CEP83: variants seen among roughly 807,000 people sequenced by gnomAD.
CEP83 encodes the protein centrosomal protein of 83 kDa.
Under a neutral mutation model 101.9 loss-of-function variants are expected in CEP83, and 70 were observed. The observed-to-expected ratio is 0.69, with a 90% CI of 0.57 to 0.84. CEP83 has a LOEUF of 0.84. Among genes scored for constraint, CEP83 ranks in the 40% least tolerant of loss-of-function variants. CEP83 has a pLI of 0.00. For missense variants in CEP83, 715 were observed against 787.2 expected (o/e 0.91, Z 1.10); for synonymous variants, 264 against 267.9 (o/e 0.99, Z 0.14).
intron 6 of CEP83, among the ~76,000 whole-genome samples, chr12:94,382,400 C>A (rs2137233852): frequency 6.6e-6 from 1 of 151,278 alleles, no homozygotes; most frequent in East Asian, 2.0e-4. Flanking sequence ...TTTTGATACT[C>A]TTTTTCTAGG....
At chr12:94,297,279 G>C in the CEP83 span, 2 of 1,612,276 alleles carry the variant, frequency 1.2e-6, no homozygotes, top group South Asian at 2.2e-5. Context: ...AGCAAGAGTG[G>C]TCTCCTTGGG....
chr12:94,345,529 C>T (rs1045643689), intron 11 of CEP83, among the ~76,000 whole-genome samples: 2 of 152,068 alleles, frequency 1.3e-5, no homozygotes, highest in African/African-American at 4.8e-5. Context: ...CTCTCTCTGA[C>T]CTTCTGTCCT....
intron 11 of CEP83, among the ~76,000 whole-genome samples, chr12:94,348,332 C>T (rs1398386220): frequency 6.6e-6 from 1 of 152,066 alleles, no homozygotes; most frequent in Non-Finnish European, 1.5e-5. Context: ...TCTACAACTA[C>T]ACAAGAAGCT....
intron 6 of CEP83, among the ~76,000 whole-genome samples, chr12:94,388,945 G>A (rs144123484): frequency 1.1e-3 from 162 of 152,184 alleles, no homozygotes; most frequent in African/African-American, 3.6e-3. Context: ...TAGCCCACAT[G>A]ACGAAACCCC....
At chr12:94,341,122 T>C (rs1442559252) in intron 11 of CEP83, among the ~76,000 whole-genome samples, 2 of 152,216 alleles carry the variant, frequency 1.3e-5, no homozygotes, top group East Asian at 3.8e-4. Flanking sequence ...ATTGAATAAA[T>C]GTGCAGCGGA....
At chr12:94,426,719 G>T (rs576566427) in intron 2 of CEP83, among the ~76,000 whole-genome samples, 1 of 152,226 alleles carries the variant, frequency 6.6e-6, no homozygotes, top group South Asian at 2.1e-4. Flanking sequence ...AAGAGGAGAG[G>T]CTTATGCTGG....
intron 1 of CEP83, among the ~76,000 whole-genome samples, chr12:94,456,324 T>C (rs1308317277): frequency 6.6e-6 from 1 of 152,198 alleles, no homozygotes; most frequent in Admixed American, 6.5e-5. Context: ...CTCTTCAATC[T>C]TTTTTATAGT....
rs567766792 is a variant in CEP83, at chr12:94,380,785, T to C, written c.550-1743A>G. Among the ~76,000 whole-genome samples, 21 of 152,304 alleles carry C rather than the reference T, an allele frequency of 1.4e-4. No individual in the cohort carries two copies. In the South Asian group the frequency reaches 4.3e-3, roughly 32 times the overall value. ...TCAACATTAACAATAATTTCTCTTG[T>C]AGTCCCCATTTTACACATAGGGTCA... On this transcript the variant is annotated intron_variant, in intron 6 of 16. Transcript: ENST00000397809.
downstream of CEP83, chr12:94,306,848 G>T (rs1969077642): frequency 6.6e-6 from 1 of 152,184 alleles, no homozygotes; most frequent in Admixed American, 6.5e-5. Context: ...TCCCAATCCT[G>T]TTGCTTTTGA....
At chr12:94,302,922 C>A (rs182126438), downstream of CEP83, among the ~76,000 whole-genome samples, 3 of 152,070 alleles carry the variant, frequency 2.0e-5, no homozygotes, top group South Asian at 6.2e-4. Flanking sequence ...TTTCTGGGTT[C>A]CACTTAAATT....
At chr12:94,275,590 A>G in the CEP83 span, among the ~76,000 whole-genome samples, 2 of 86,118 alleles carry the variant, frequency 2.3e-5, 1 homozygote, top group Admixed American at 2.6e-4. Context: ...GCGGTGGCTC[A>G]CGCCTGTAAT....
chr12:94,309,870 T>C, intron 16 of CEP83, 48 bp downstream of exon 16: 2 of 1,235,814 alleles, frequency 1.6e-6, no homozygotes, highest in Non-Finnish European at 2.2e-6. Flanking sequence ...CATAAAAACC[T>C]ACAAAAATGT....
intron 6 of CEP83, 75 bp from the exon 7 acceptor site, chr12:94,379,117 G>A: frequency 7.9e-7 from 1 of 1,272,054 alleles, no homozygotes; most frequent in Non-Finnish European, 1.1e-6. Context: ...TTACAAGTCA[G>A]TAAAATTAAA....
At chr12:94,298,625 C>T in the CEP83 span, 1 of 1,580,910 alleles carries the variant, frequency 6.3e-7, no homozygotes, top group Non-Finnish European at 8.6e-7. Flanking sequence ...TGTTGTCTAT[C>T]TTTCAGGTGG....
intron 4 of CEP83, among the ~76,000 whole-genome samples, chr12:94,405,394 G>C (rs553975665): frequency 1.3e-5 from 2 of 152,278 alleles, no homozygotes; most frequent in Admixed American, 1.3e-4. Flanking sequence ...AATATTATTT[G>C]ATTCAAAATA....
At chr12:94,317,564 T>A (rs1047224855) in intron 14 of CEP83, among the ~76,000 whole-genome samples, 2 of 152,208 alleles carry the variant, frequency 1.3e-5, no homozygotes, top group African/African-American at 4.8e-5. Flanking sequence ...ATTTAAGTCT[T>A]TAATCCTTCT....
chr12:94,439,294 G>A (rs1252161297), intron 1 of CEP83, among the ~76,000 whole-genome samples: 4 of 152,064 alleles, frequency 2.6e-5, no homozygotes, highest in Non-Finnish European at 5.9e-5. Context: ...AGATTATCAA[G>A]AGAAGAGAGT....
intron 6 of CEP83, among the ~76,000 whole-genome samples, chr12:94,395,773 A>G (rs978940353): frequency 1.3e-5 from 2 of 152,210 alleles, no homozygotes; most frequent in African/African-American, 4.8e-5. Context: ...GTGAGCCAAG[A>G]TGGCGCCGCT....
intron 7 of CEP83, among the ~76,000 whole-genome samples, chr12:94,378,507 T>G (rs1339255499): frequency 6.6e-6 from 1 of 152,206 alleles, no homozygotes; most frequent in Admixed American, 6.5e-5. Context: ...TACATATATT[T>G]TTATTTTGCA....
Sources: gnomAD v4.1 joint callset for allele counts (sites outside exome capture counted in the v4.1 genomes callset) on GRCh38, gnomAD v4.1.1 for gene constraint, MANE v1.5 for transcripts, NCBI Gene and HGNC (gene_info 2026-07-23, HGNC 2026-07-21) for gene names.